The following FOXP2 variants were observed in gnomAD, a reference collection of about 807,000 sequenced individuals.
FOXP2 encodes forkhead box protein P2.
In FOXP2, 12 loss-of-function variants were observed where a neutral mutation model predicts 115.8. The ratio of observed to expected loss-of-function variants is 0.10; its 90% CI spans 0.07 to 0.17. The LOEUF is 0.17. Among genes scored for constraint, FOXP2 ranks in the 10% least tolerant of loss-of-function variants. The pLI is 1.00. For synonymous variants in FOXP2, 328 were observed against 297.7 expected, an observed-to-expected ratio of 1.10 and a Z score of -1.05; for missense variants, 629 against 843.5, an observed-to-expected ratio of 0.75 and a Z score of 3.15.
chr7:114,311,163 C>T (rs1208564126), intron 2 of FOXP2, among the ~76,000 whole-genome samples: 1 of 152,074 alleles, frequency 6.6e-6, no homozygotes, highest in Non-Finnish European at 1.5e-5. Context: ...ACCACCTGAC[C>T]ATCACTTGAT....
rs116288842 is a variant in FOXP2 at position 114,307,514 on chromosome 7, G to A, written c.-11+19405G>A. Reference sequence around the variant, plus strand: ...GAACCCCCACATATATGCATTCTGTGGCCCTTTCTCCTTTATATACAAACA... The same window carrying A: ...GAACCCCCACATATATGCATTCTGTAGCCCTTTCTCCTTTATATACAAACA... On this transcript the variant is annotated intron_variant, in intron 2 of 17. Transcript: ENST00000634411. Among the ~76,000 whole-genome samples the A allele has an allele frequency of 5.9e-3, 894 of 152,176 alleles. 5 individuals carry two copies. The highest frequency in any genetic ancestry group is 0.02 in the African/African-American group (844 of 41,510).
At chr7:114,483,656 C>T (rs1004841440) in intron 2 of FOXP2, among the ~76,000 whole-genome samples, 10 of 151,612 alleles carry the variant, frequency 6.6e-5, no homozygotes, top group Admixed American at 4.0e-4. Flanking sequence ...ATGATACTGA[C>T]GTTTTTTAAA....
intron 7 of FOXP2, among the ~76,000 whole-genome samples, 187 bp downstream of exon 7, chr7:114,642,810 ATAT>A (rs1438251149): frequency 2.8e-4 from 21 of 75,756 alleles, no homozygotes; most frequent in Admixed American, 7.3e-4. Flanking sequence ...ATATATATAT[ATAT>A]TTTTTTTTTT....
chr7:114,509,906 A>G (rs561933994), intron 2 of FOXP2, among the ~76,000 whole-genome samples: 3 of 152,038 alleles, frequency 2.0e-5, no homozygotes, highest in Admixed American at 2.0e-4. Flanking sequence ...AAGGGAAAAG[A>G]AGAAAAGGGG....
upstream of FOXP2, among the ~76,000 whole-genome samples, chr7:114,160,636 A>G (rs1584514691): frequency 6.6e-6 from 1 of 152,164 alleles, no homozygotes; most frequent in South Asian, 2.1e-4. Context: ...ATTATAGTAA[A>G]GTGTCATGTT....
At chr7:114,485,127 T>C (rs1310167417) in intron 2 of FOXP2, among the ~76,000 whole-genome samples, 1 of 151,980 alleles carries the variant, frequency 6.6e-6, no homozygotes, top group Non-Finnish European at 1.5e-5. Context: ...AATGCTGAAT[T>C]TATAAACTTT....
In FOXP2 at chr7:114,664,431, G is replaced by T. The variant is rs547912850; in HGVS notation, c.1998G>T (p.Pro666=). The T allele has an allele frequency of 6.2e-7, 1 of 1,613,256 alleles. No homozygotes were observed. The highest frequency in any genetic ancestry group is 1.1e-5 in the South Asian group (1 of 91,068). ...GTAGTCCGGGCTGCTCACCTCAGCCGCACATGTAAGTGTGGTTAACAGACT... is the reference window on the plus strand; with the variant it reads ...GTAGTCCGGGCTGCTCACCTCAGCCTCACATGTAAGTGTGGTTAACAGACT... ...GNSSPGCSPQ[P]HIHSIHVKEE... The change falls in exon 16 of 17, where the codon CCG becomes CCT. Residue 666 remains proline, a synonymous_variant. Coordinates refer to ENST00000350908, the MANE Select transcript of FOXP2 (RefSeq NM_014491.4).
intron 3 of FOXP2, among the ~76,000 whole-genome samples, chr7:114,584,170 AAG>A (rs1802009597): frequency 6.6e-6 from 1 of 152,184 alleles, no homozygotes; most frequent in Admixed American, 6.5e-5. Flanking sequence ...CTCTGACTCT[AAG>A]ATCTGACTTT....
chr7:114,311,436 C>A (rs1238987146), intron 2 of FOXP2, among the ~76,000 whole-genome samples: 5 of 152,130 alleles, frequency 3.3e-5, no homozygotes, highest in African/African-American at 1.2e-4. Flanking sequence ...GGTATCCAGC[C>A]AGGTCCAAGA....
At chr7:114,407,949 T>C (rs1185322544) in intron 2 of FOXP2, among the ~76,000 whole-genome samples, 1 of 152,176 alleles carries the variant, frequency 6.6e-6, no homozygotes, top group Non-Finnish European at 1.5e-5. Context: ...TTATTTCAGC[T>C]TAATTAAAAA....
chr7:114,279,598 T>A (rs1796277101), intron 1 of FOXP2, among the ~76,000 whole-genome samples: 1 of 152,198 alleles, frequency 6.6e-6, no homozygotes, highest in Admixed American at 6.5e-5. Flanking sequence ...TCCATATTAA[T>A]GCATACTTGC....
intron 10 of FOXP2, among the ~76,000 whole-genome samples, chr7:114,655,883 A>G (rs1309144729): frequency 1.3e-5 from 2 of 152,134 alleles, no homozygotes; most frequent in African/African-American, 4.8e-5. Context: ...TGGCCATGCT[A>G]TGGATGGATG....
intron 3 of FOXP2, among the ~76,000 whole-genome samples, chr7:114,564,074 T>C (rs7797335): frequency 1.3e-5 from 2 of 151,694 alleles, no homozygotes; most frequent in Non-Finnish European, 2.9e-5. Context: ...AAAACAAACA[T>C]ACAAACAAAC....
chr7:114,685,088 T>A (rs566906546), intron 16 of FOXP2, among the ~76,000 whole-genome samples: 3 of 152,260 alleles, frequency 2.0e-5, no homozygotes, highest in Non-Finnish European at 2.9e-5. Flanking sequence ...TGAAATCACC[T>A]ATGGGTATAC....
At chr7:114,145,436 C>CTT (rs1554421626) in intron 1 of FOXP2, among the ~76,000 whole-genome samples, 5,063 of 26,228 alleles carry the variant, frequency 0.19, 203 homozygotes, top group East Asian at 0.49. Flanking sequence ...GCCATTTTTT[C>CTT]TTTTCTTTTC....
At chr7:114,279,251 T>C (rs150812126) in intron 1 of FOXP2, among the ~76,000 whole-genome samples, 1 of 152,296 alleles carries the variant, frequency 6.6e-6, no homozygotes, top group Non-Finnish European at 1.5e-5. Context: ...GTAAATGTAT[T>C]ATATTGTGAT....
At chr7:114,402,379 A>T (rs1370928591) in intron 2 of FOXP2, among the ~76,000 whole-genome samples, 1 of 152,130 alleles carries the variant, frequency 6.6e-6, no homozygotes, top group Non-Finnish European at 1.5e-5. Flanking sequence ...CTTTCAAGAG[A>T]GGCTCTAGGG....
At chr7:114,551,696 AAAAG>A (rs1446609278) in intron 3 of FOXP2, among the ~76,000 whole-genome samples, 2 of 152,080 alleles carry the variant, frequency 1.3e-5, no homozygotes, top group Non-Finnish European at 2.9e-5. Context: ...ATTTTTTAAA[AAAAG>A]AGAGAGAAAA....
At chr7:114,525,252 C>T (rs1798803732) in intron 2 of FOXP2, among the ~76,000 whole-genome samples, 1 of 152,132 alleles carries the variant, frequency 6.6e-6, no homozygotes, top group Non-Finnish European at 1.5e-5. Flanking sequence ...CTGGAGGAAC[C>T]CGAATTCCAA....
Sources: gnomAD v4.1 joint callset for allele counts (sites outside exome capture counted in the v4.1 genomes callset) on GRCh38, gnomAD v4.1.1 for gene constraint, MANE v1.5 for transcripts, NCBI Gene and HGNC (gene_info 2026-07-23, HGNC 2026-07-21) for gene names.